GNAQ: variants seen among roughly 807,000 people sequenced by gnomAD.
GNAQ encodes the protein guanine nucleotide-binding protein G(q) subunit alpha.
A neutral mutation model predicts 43.9 loss-of-function variants in GNAQ; 8 were observed. That is an observed-to-expected ratio of 0.18 (90% CI 0.11 to 0.33). GNAQ has a LOEUF of 0.33. Among genes scored for constraint, GNAQ ranks in the 10% least tolerant of loss-of-function variants. The probability of loss-of-function intolerance (pLI) is 1.00; values close to 1 mark genes in which losing one functional copy is unlikely to be tolerated. For missense variants in GNAQ, 158 were observed against 450.8 expected (o/e 0.35, Z 5.88); for synonymous variants, 155 against 170.7 (o/e 0.91, Z 0.71).
chr9:77,891,204 T>C lies in GNAQ; in HGVS notation c.321+30957A>G, dbSNP rs76269680. Among the ~76,000 whole-genome samples the C allele has an allele frequency of 4.0e-4, 61 of 152,314 alleles. 1 individual carries two copies. The East Asian group carries it at 0.01, about 26-fold the overall frequency. On this transcript the variant is annotated intron_variant, in intron 2 of 6. Coordinates refer to ENST00000286548, the MANE Select transcript of GNAQ (RefSeq NM_002072.5). Reference sequence around the variant, plus strand: ...CCATTTTGCCATTTATATATCCTCATACATATTCTCATCTAAATTATTCTT... The same window carrying C: ...CCATTTTGCCATTTATATATCCTCACACATATTCTCATCTAAATTATTCTT...
At chr9:77,741,937 G>C (rs1310880919) in intron 5 of GNAQ, among the ~76,000 whole-genome samples, 1 of 152,102 alleles carries the variant, frequency 6.6e-6, no homozygotes, top group Non-Finnish European at 1.5e-5. Flanking sequence ...TAAAAGGTAT[G>C]GTTATGAGAT....
intron 2 of GNAQ, among the ~76,000 whole-genome samples, chr9:77,838,277 G>A (rs1827426534): frequency 6.7e-6 from 1 of 150,254 alleles, no homozygotes; most frequent in Admixed American, 6.7e-5. Context: ...CCGAGTAGCT[G>A]GGATTATAGG....
chr9:77,724,101 A>G (rs1283774568), intron 6 of GNAQ, among the ~76,000 whole-genome samples: 1 of 152,180 alleles, frequency 6.6e-6, no homozygotes, highest in Admixed American at 6.5e-5. Flanking sequence ...CCTTTCAAGT[A>G]TTGGATACGT....
chr9:77,976,549 C>T (rs909109026), intron 1 of GNAQ, among the ~76,000 whole-genome samples: 1 of 152,120 alleles, frequency 6.6e-6, no homozygotes, highest in Admixed American at 6.5e-5. Context: ...CGCGCTGCCA[C>T]GCTGGCTAAT....
chr9:77,775,906 CAG>C (rs1389955079), intron 5 of GNAQ, among the ~76,000 whole-genome samples: 1 of 151,954 alleles, frequency 6.6e-6, no homozygotes, highest in African/African-American at 2.4e-5. Flanking sequence ...ACCTGGGTGA[CAG>C]AGCACGACTC....
intron 1 of GNAQ, among the ~76,000 whole-genome samples, chr9:77,968,840 C>T (rs1823201206): frequency 6.6e-6 from 1 of 152,194 alleles, no homozygotes; most frequent in East Asian, 1.9e-4. Flanking sequence ...TAAGTAACCC[C>T]TAAGTATGGG....
In GNAQ at chr9:77,975,971, A is replaced by G. The variant is rs76999559; in HGVS notation, c.137-53626T>C. ...TGTCCTTCTGATCCTGGCATCGGGA[A>G]GAGCCATGTCACTGTTAAACAGTTT... On this transcript the variant is annotated intron_variant, in intron 1 of 6. Coordinates refer to ENST00000286548, the MANE Select transcript of GNAQ (RefSeq NM_002072.5). 1.4e-3 allele frequency among the ~76,000 whole-genome samples: 211 copies of G among 152,342 alleles called. 2 individuals carry two copies. The East Asian group carries it at 0.035, about 26-fold the overall frequency.
chr9:77,881,977 A>G (rs573415271), intron 2 of GNAQ, among the ~76,000 whole-genome samples: 1 of 152,138 alleles, frequency 6.6e-6, no homozygotes, highest in Non-Finnish European at 1.5e-5. Context: ...ATCTCTACTA[A>G]AAGTACAAAA....
chr9:77,878,639 T>A (rs574611312), intron 2 of GNAQ, among the ~76,000 whole-genome samples: 5 of 151,136 alleles, frequency 3.3e-5, no homozygotes, highest in African/African-American at 1.2e-4. Context: ...ATAAGGTTCC[T>A]GAAAAAAAAA....
intron 1 of GNAQ, among the ~76,000 whole-genome samples, chr9:77,964,674 A>G (rs1205231201): frequency 6.6e-6 from 1 of 151,926 alleles, no homozygotes; most frequent in Non-Finnish European, 1.5e-5. Flanking sequence ...TAAAACAAAA[A>G]CAACAAGAAA....
chr9:77,936,393 A>G (rs907868966), intron 1 of GNAQ, among the ~76,000 whole-genome samples: 2 of 152,200 alleles, frequency 1.3e-5, no homozygotes, highest in Admixed American at 1.3e-4. Context: ...CCAATAATAC[A>G]TAAAAATAAC....
At chr9:77,863,312 A>G (rs1206006013) in intron 2 of GNAQ, among the ~76,000 whole-genome samples, 4 of 152,172 alleles carry the variant, frequency 2.6e-5, no homozygotes, top group Non-Finnish European at 5.9e-5. Flanking sequence ...AGTTCCACAA[A>G]TCTCTAGGGC....
intron 5 of GNAQ, among the ~76,000 whole-genome samples, chr9:77,734,490 G>A (rs1294525364): frequency 2.1e-5 from 3 of 142,604 alleles, no homozygotes; most frequent in African/African-American, 4.9e-5. Flanking sequence ...TGTCATGAGG[G>A]CATTCATAAC....
chr9:77,858,013 C>T (rs114481498), intron 2 of GNAQ, among the ~76,000 whole-genome samples: 74 of 152,120 alleles, frequency 4.9e-4, no homozygotes, highest in African/African-American at 1.8e-3. Flanking sequence ...ATTTACAAAG[C>T]GTCCATGGAT....
At chr9:77,823,378 T>A (rs920420027) in intron 2 of GNAQ, among the ~76,000 whole-genome samples, 1 of 152,176 alleles carries the variant, frequency 6.6e-6, no homozygotes. Context: ...TGTAAAAAGT[T>A]ACCTGGACCA....
At chr9:77,998,109 G>C (rs940335328) in intron 1 of GNAQ, among the ~76,000 whole-genome samples, 1 of 152,136 alleles carries the variant, frequency 6.6e-6, no homozygotes. Context: ...CCCAGGACCA[G>C]AGCACCAAGC....
intron 1 of GNAQ, among the ~76,000 whole-genome samples, chr9:78,018,294 T>G (rs1823863851): frequency 6.6e-6 from 1 of 152,124 alleles, no homozygotes; most frequent in Admixed American, 6.5e-5. Context: ...TACAACCTAA[T>G]GTTAAGTTGT....
intron 1 of GNAQ, among the ~76,000 whole-genome samples, chr9:77,925,667 A>T (rs551365552): frequency 4.9e-4 from 75 of 152,324 alleles, no homozygotes; most frequent in African/African-American, 1.7e-3. Context: ...TTCAAAGTGA[A>T]GGCAAAGTTT....
In GNAQ at chr9:77,917,553, T is replaced by C. The variant is rs551367662; in HGVS notation, c.321+4608A>G. ...TAAACTTAAAAAAAAAAGGAAGCCA[T>C]AAAATAACAGGGATAAAAATTCTTT... On this transcript the variant is annotated intron_variant, in intron 2 of 6. Coordinates refer to ENST00000286548, the MANE Select transcript of GNAQ (RefSeq NM_002072.5). 3.3e-5 allele frequency among the ~76,000 whole-genome samples: 5 copies of C among 151,998 alleles called. No individual in the cohort carries two copies. In the South Asian group the frequency reaches 1.0e-3, roughly 32 times the overall value.
Sources: gnomAD v4.1 joint callset for allele counts (sites outside exome capture counted in the v4.1 genomes callset) on GRCh38, gnomAD v4.1.1 for gene constraint, MANE v1.5 for transcripts, NCBI Gene and HGNC (gene_info 2026-07-23, HGNC 2026-07-21) for gene names.